Variants in CDIN1 observed in about 807,000 individuals in gnomAD.
The protein encoded by CDIN1 is CDAN1 interacting nuclease 1, also known as CDAN1-interacting nuclease 1.
In CDIN1, 33 loss-of-function variants were observed where a neutral mutation model predicts 45.3. That is an observed-to-expected ratio of 0.73 (90% CI 0.55 to 0.97). The LOEUF is 0.97. CDIN1 is among the 50% of genes least tolerant of loss of function. The probability of loss-of-function intolerance (pLI) is 0.00; values close to 1 mark genes in which losing one functional copy is unlikely to be tolerated. For synonymous variants in CDIN1, 118 were observed against 124.4 expected (o/e 0.95, Z 0.34); for missense variants, 303 against 339.4 (o/e 0.89, Z 0.84).
intron 10 of CDIN1, among the ~76,000 whole-genome samples, chr15:36,780,112 A>G (rs1412236987): frequency 6.6e-6 from 1 of 152,182 alleles, no homozygotes; most frequent in African/African-American, 2.4e-5. Context: ...TGGTGTATAA[A>G]GATATTGGGA....
intron 5 of CDIN1, among the ~76,000 whole-genome samples, chr15:36,683,217 C>T (rs1421777781): frequency 3.3e-5 from 5 of 151,380 alleles, no homozygotes; most frequent in Non-Finnish European, 5.9e-5. Context: ...TTAGGTCTAA[C>T]ATTTAAGTCT....
chr15:36,725,352 A>T (rs1253042710), intron 10 of CDIN1, among the ~76,000 whole-genome samples: 3 of 150,194 alleles, frequency 2.0e-5, no homozygotes, highest in African/African-American at 7.4e-5. Flanking sequence ...CATCAAGCTG[A>T]AACCCTTACT....
Position 36,757,550 on chromosome 15 carries a change from T to G in CDIN1, c.716+47589T>G, listed in dbSNP as rs141526861. Among the ~76,000 whole-genome samples, 5 of 152,326 alleles carry G rather than the reference T, an allele frequency of 3.3e-5. No individual in the cohort carries two copies. The East Asian group carries it at 9.7e-4, about 29-fold the overall frequency. Reference sequence around the variant, plus strand: ...CCAGAAATAGACCACTGATAAGTTTTAAGTTGAGCACCGTTCTGAGGAGCG... The same window carrying G: ...CCAGAAATAGACCACTGATAAGTTTGAAGTTGAGCACCGTTCTGAGGAGCG... On this transcript the variant is annotated intron_variant, in intron 10 of 10. Coordinates refer to ENST00000566621, the MANE Select transcript of CDIN1 (RefSeq NM_001321759.2).
chr15:36,703,896 C>T (rs2042768724), intron 8 of CDIN1, among the ~76,000 whole-genome samples: 1 of 152,122 alleles, frequency 6.6e-6, no homozygotes, highest in African/African-American at 2.4e-5. Flanking sequence ...AATCTTTCCT[C>T]TGAATCTTGG....
chr15:36,789,867 T>C (rs2054601017), intron 10 of CDIN1, among the ~76,000 whole-genome samples: 1 of 152,196 alleles, frequency 6.6e-6, no homozygotes. Context: ...CCAAAGTCAG[T>C]CCTAGAAACC....
At chr15:36,645,141 C>G in intron 2 of CDIN1, 82 bp from the exon 3 acceptor site, 1 of 1,168,294 alleles carries the variant, frequency 8.6e-7, no homozygotes, top group South Asian at 1.4e-5. Flanking sequence ...TCACTGGGCT[C>G]AAGAAATAAT....
At chr15:36,727,351 A>G (rs972639925) in intron 10 of CDIN1, among the ~76,000 whole-genome samples, 4 of 151,750 alleles carry the variant, frequency 2.6e-5, no homozygotes, top group Non-Finnish European at 5.9e-5. Context: ...AAAAAAAAAA[A>G]AAAGAAAAAA....
chr15:36,595,611 C>G (rs1274390689), intron 1 of CDIN1, among the ~76,000 whole-genome samples: 1 of 145,110 alleles, frequency 6.9e-6, no homozygotes, highest in African/African-American at 2.5e-5. Context: ...AGAACTTCTA[C>G]TCTTTTAATC....
At chr15:36,702,015 A>AG (rs2042663736) in intron 8 of CDIN1, 1 of 701,732 alleles carries the variant, frequency 1.4e-6, no homozygotes, top group African/African-American at 1.7e-5. Context: ...TTATGACTTC[A>AG]GGTGAAGGAC....
In CDIN1 at chr15:36,774,163, T is replaced by TGTGTGTGTGTGTGCGCGCGC. The variant is rs149222188; in HGVS notation, c.717-34160_717-34159insTGTGTGTGTGTGCGCGCGCG. Among the ~76,000 whole-genome samples, 409 of 143,124 alleles carry TGTGTGTGTGTGTGCGCGCGC rather than the reference T, an allele frequency of 2.9e-3. 1 individual carries two copies. Among genetic ancestry groups the TGTGTGTGTGTGTGCGCGCGC allele is most frequent in the African/African-American group, 0.01 (381 of 37,712 alleles). The allele number at this position is 143,124 out of a possible 152,430, so 93.9% of individuals were successfully genotyped here. On this transcript the variant is annotated intron_variant, in intron 10 of 10. Transcript: ENST00000566621. ...GTGTGTGTGTGTGTGTGTGTGTGTG[T>TGTGTGTGTGTGTGCGCGCGC]GCGCGCGCGCGCATGCATGAGGGGA...
intron 1 of CDIN1, among the ~76,000 whole-genome samples, chr15:36,633,398 CT>C (rs1260659751): frequency 6.6e-6 from 1 of 152,062 alleles, no homozygotes; most frequent in Admixed American, 6.6e-5. Context: ...TCTCATATTT[CT>C]TTTACCACAT....
intron 1 of CDIN1, among the ~76,000 whole-genome samples, chr15:36,592,252 A>G (rs573254585): frequency 2.6e-5 from 4 of 152,302 alleles, no homozygotes; most frequent in African/African-American, 9.6e-5. Flanking sequence ...GTGAGAGCTG[A>G]TGGTGAGCAT....
intron 1 of CDIN1, chr15:36,618,994 CT>C: frequency 6.6e-7 from 1 of 1,520,720 alleles, no homozygotes; most frequent in Non-Finnish European, 8.9e-7. Flanking sequence ...ATCTTCAGTT[CT>C]TGTGTAGCCA....
At chr15:36,670,816 T>G (rs989527993) in intron 5 of CDIN1, among the ~76,000 whole-genome samples, 1 of 152,164 alleles carries the variant, frequency 6.6e-6, no homozygotes, top group African/African-American at 2.4e-5. Context: ...TAGAGAAAAG[T>G]GTAGCTTCTT....
chr15:36,618,719 C>T, intron 1 of CDIN1: 2 of 780,774 alleles, frequency 2.6e-6, no homozygotes, highest in Non-Finnish European at 4.7e-6. Flanking sequence ...AGTACCAGTT[C>T]TCCATGTGCA....
chr15:36,629,978 T>C (rs374730784), intron 1 of CDIN1, among the ~76,000 whole-genome samples: 2 of 152,234 alleles, frequency 1.3e-5, no homozygotes, highest in East Asian at 3.8e-4. Flanking sequence ...TTAGTAAATA[T>C]CTGGATTAAG....
In CDIN1 at chr15:36,738,368, G is replaced by A. The variant is rs2044110638; in HGVS notation, c.716+28407G>A. Among the ~76,000 whole-genome samples the A allele has an allele frequency of 3.3e-5, 5 of 152,094 alleles. No individual in the cohort carries two copies. The South Asian group carries it at 1.0e-3, about 32-fold the overall frequency. On this transcript the variant is annotated intron_variant, in intron 10 of 10. Coordinates refer to ENST00000566621, the MANE Select transcript of CDIN1 (RefSeq NM_001321759.2). ...TTTTGACAATTCTGTCTTTCCATTT[G>A]CTTAGATGAACTACCTTGGAATCAT... is the stretch of plus-strand genomic sequence containing the variant.
At chr15:36,761,754 C>T (rs1036374025) in intron 10 of CDIN1, among the ~76,000 whole-genome samples, 1 of 152,124 alleles carries the variant, frequency 6.6e-6, no homozygotes, top group Non-Finnish European at 1.5e-5. Context: ...ACTTCTTGCT[C>T]CAGGAAAAAG....
intron 10 of CDIN1, among the ~76,000 whole-genome samples, chr15:36,720,608 C>A (rs1180602650): frequency 6.6e-6 from 1 of 152,130 alleles, no homozygotes; most frequent in African/African-American, 2.4e-5. Flanking sequence ...GAAATGAACT[C>A]ATCCTTCTTT....
Sources: allele counts gnomAD v4.1 joint callset (sites outside exome capture counted in the v4.1 genomes callset), GRCh38; gene constraint gnomAD v4.1.1; transcripts MANE v1.5; gene names NCBI Gene and HGNC (gene_info 2026-07-23, HGNC 2026-07-21).